The following BICC1 variants were observed in gnomAD, a reference collection of about 807,000 sequenced individuals.
BICC1 encodes the protein protein bicaudal C homolog 1.
Under a neutral mutation model 111.0 loss-of-function variants are expected in BICC1, and 43 were observed. That is an observed-to-expected ratio of 0.39 (90% CI 0.30 to 0.50). BICC1 has a LOEUF of 0.50. BICC1 is among the 20% of genes least tolerant of loss of function. The pLI is 0.88. For missense variants in BICC1, 1,091 were observed against 1,203.2 expected (o/e 0.91, Z 1.38); for synonymous variants, 467 against 434.4 (o/e 1.07, Z -0.93).
At chr10:58,555,216 TTGATG>T (rs1843411384) in intron 1 of BICC1, among the ~76,000 whole-genome samples, 1 of 151,926 alleles carries the variant, frequency 6.6e-6, no homozygotes, top group Non-Finnish European at 1.5e-5. Context: ...CTTCTGAAAT[TTGATG>T]TAATGTACTC....
intron 1 of BICC1, among the ~76,000 whole-genome samples, chr10:58,522,507 C>T (rs753975300): frequency 7.9e-5 from 12 of 152,074 alleles, no homozygotes; most frequent in South Asian, 6.2e-4. Context: ...TTGAAACCAA[C>T]GACAACAAAG....
At position 58,813,906 on chromosome 10, in the gene BICC1, A is replaced by T; in HGVS notation, c.2453A>T (p.Asp818Val). The T allele has an allele frequency of 6.2e-7, 1 of 1,614,024 alleles. No homozygotes were observed. Among genetic ancestry groups the T allele is most frequent in the Non-Finnish European group, 8.5e-7 (1 of 1,179,914 alleles). ...GGGSESDNWRDRNGIGPGSHS... is the reference protein window; with the variant it reads ...GGGSESDNWRVRNGIGPGSHS... ...GGAAGCGAATCTGATAACTGGAGAG[A>T]CCGAAATGGAATTGGACCTGGAAGT... Residue 818 changes from aspartate (D) to valine (V), a missense_variant, in exon 18 of 21, where the codon GAC (aspartate) becomes GTC (valine). Asp to Val is a radical substitution (Grantham distance 152). This residue lies in a region of BICC1 where 231 missense variants were observed against 256.2 expected (regional missense o/e 0.90). Coordinates refer to ENST00000373886, the MANE Select transcript of BICC1 (RefSeq NM_001080512.3).
At chr10:58,719,314 A>G (rs1338499226) in intron 3 of BICC1, among the ~76,000 whole-genome samples, 1 of 152,110 alleles carries the variant, frequency 6.6e-6, no homozygotes, top group Non-Finnish European at 1.5e-5. Flanking sequence ...ATGCTACTTT[A>G]CACCTGGGTT....
chr10:58,671,166 A>G (rs1223969607), intron 2 of BICC1, among the ~76,000 whole-genome samples: 1 of 152,186 alleles, frequency 6.6e-6, no homozygotes, highest in Admixed American at 6.6e-5. Flanking sequence ...TCTCCAAGAA[A>G]ACCTTCTTAT....
chr10:58,517,069 C>T (rs7094882), intron 1 of BICC1, among the ~76,000 whole-genome samples: 82,035 of 151,908 alleles, frequency 0.54, 23,213 homozygotes, highest in African/African-American at 0.71. Context: ...ATATATAACA[C>T]AGCACTTCAA....
chr10:58,807,149 C>T lies in BICC1; in HGVS notation c.2367C>T (p.Thr789=), dbSNP rs1843733829. ...TGTCCTATAAGCCCACAATGACAAC[C>T]ACTTATGAGGTTTGTAGAGTCATGT... is the stretch of plus-strand genomic sequence containing the variant. ...NHVSYKPTMT[T]TYEGSSMSLS... is the part of the protein sequence containing the mutation. Residue 789 remains threonine (T), a synonymous_variant, in exon 17 of 21, where the codon ACC becomes ACT. Coordinates refer to ENST00000373886, the MANE Select transcript of BICC1 (RefSeq NM_001080512.3). 2 of 1,613,454 alleles carry T rather than the reference C, an allele frequency of 1.2e-6. No homozygotes were observed. The highest frequency in any genetic ancestry group is 1.7e-6 in the Non-Finnish European group (2 of 1,179,712).
intron 1 of BICC1, among the ~76,000 whole-genome samples, chr10:58,618,919 T>C (rs1845707875): frequency 6.6e-6 from 1 of 152,190 alleles, no homozygotes; most frequent in Admixed American, 6.5e-5. Context: ...TTTCCAGCTC[T>C]TAGAGGCCAC....
intron 3 of BICC1, among the ~76,000 whole-genome samples, chr10:58,750,559 G>A (rs755689619): frequency 2.6e-5 from 4 of 152,002 alleles, no homozygotes; most frequent in African/African-American, 4.8e-5. Flanking sequence ...TGTTATGACC[G>A]CTACCAGACC....
intron 2 of BICC1, among the ~76,000 whole-genome samples, chr10:58,677,111 G>T (rs1839369694): frequency 6.6e-6 from 1 of 152,174 alleles, no homozygotes; most frequent in Non-Finnish European, 1.5e-5. Context: ...GCGCAAAAAG[G>T]CTGAAAATTC....
chr10:58,571,021 T>C (rs1843932999), intron 1 of BICC1, among the ~76,000 whole-genome samples: 1 of 152,208 alleles, frequency 6.6e-6, no homozygotes, highest in South Asian at 2.1e-4. Flanking sequence ...CACCAGTTGC[T>C]CATTTCTTTA....
At chr10:58,817,845 C>A in intron 19 of BICC1, 123 bp downstream of exon 19, 1 of 955,194 alleles carries the variant, frequency 1.0e-6, no homozygotes, top group Non-Finnish European at 1.5e-6. Context: ...AGTCTCATAG[C>A]TTGTCCTTGC....
chr10:58,800,972 G>C lies in BICC1; in HGVS notation c.1941G>C (p.Met647Ile), dbSNP rs567715063. Residue 647 changes from methionine (M) to isoleucine (I), a missense_variant, in exon 14 of 21, where the codon ATG becomes ATC. By Grantham distance (10) the Met-to-Ile change is conservative. Coordinates refer to ENST00000373886, the MANE Select transcript of BICC1 (RefSeq NM_001080512.3). Reference protein sequence around the residue: ...SGNAGDLKQMMCPSKVSCAKR... With the variant: ...SGNAGDLKQMICPSKVSCAKR... ...ATGCTGGTGACTTGAAACAGATGAT[G>C]TGTCCCTCCAAGGTTTCCTGTGCCA... The C allele has an allele frequency of 5.0e-6, 8 of 1,612,504 alleles. No homozygotes were observed. The highest frequency in any genetic ancestry group is 6.8e-6 in the Non-Finnish European group (8 of 1,179,324).
chr10:58,729,870 C>A (rs1184580773), intron 3 of BICC1, among the ~76,000 whole-genome samples: 1 of 152,178 alleles, frequency 6.6e-6, no homozygotes, highest in Non-Finnish European at 1.5e-5. Context: ...TTGCCTCCCA[C>A]CAGGCCCCAC....
chr10:58,792,696 T>C (rs1843220578), intron 8 of BICC1, among the ~76,000 whole-genome samples: 1 of 152,178 alleles, frequency 6.6e-6, no homozygotes, highest in Admixed American at 6.6e-5. Flanking sequence ...GATGGGACCG[T>C]CTAGTTGCAG....
chr10:58,662,060 T>G (rs77206235), intron 2 of BICC1, among the ~76,000 whole-genome samples: 1,593 of 152,304 alleles, frequency 0.01, 28 homozygotes, highest in African/African-American at 0.037. Context: ...AGTGAGGTCC[T>G]TTGAGAGGCA....
At chr10:58,526,114 C>G (rs1842534348) in intron 1 of BICC1, among the ~76,000 whole-genome samples, 1 of 151,582 alleles carries the variant, frequency 6.6e-6, no homozygotes, top group Non-Finnish European at 1.5e-5. Flanking sequence ...GGGACATTGT[C>G]TTTGGTGATT....
At chr10:58,737,450 A>G (rs1305885806) in intron 3 of BICC1, among the ~76,000 whole-genome samples, 1 of 152,216 alleles carries the variant, frequency 6.6e-6, no homozygotes, top group Non-Finnish European at 1.5e-5. Flanking sequence ...ATGGCTGCAT[A>G]GTATTCCATG....
chr10:58,558,881 T>C (rs997125487), intron 1 of BICC1, among the ~76,000 whole-genome samples: 1 of 152,084 alleles, frequency 6.6e-6, no homozygotes, highest in African/African-American at 2.4e-5. Context: ...GGGTTCTCTT[T>C]TATAAGGTCA....
At chr10:58,606,079 C>T (rs566675667) in intron 1 of BICC1, among the ~76,000 whole-genome samples, 68 of 152,028 alleles carry the variant, frequency 4.5e-4, no homozygotes, top group Non-Finnish European at 7.6e-4. Context: ...GACAACTTTC[C>T]TCTTTGAGGC....
Sources: gnomAD v4.1 joint callset for allele counts (sites outside exome capture counted in the v4.1 genomes callset) on GRCh38, gnomAD v4.1.1 for gene constraint, gnomAD v4.1.1 regional missense constraint, MANE v1.5 for transcripts, NCBI Gene and HGNC (gene_info 2026-07-23, HGNC 2026-07-21) for gene names.